BCL2L15: variants seen among roughly 807,000 people sequenced by gnomAD.
BCL2L15 encodes BCL2 like 15, also known as bcl-2-like protein 15.
Under a neutral mutation model 18.3 loss-of-function variants are expected in BCL2L15, and 15 were observed. The observed-to-expected ratio is 0.82, with a 90% CI of 0.55 to 1.26. BCL2L15 has a LOEUF of 1.26. Ranked by LOEUF, BCL2L15 falls within the 50% of genes most tolerant of loss-of-function variation. The pLI, the probability that BCL2L15 is intolerant of heterozygous loss-of-function variation, is 0.00. For synonymous variants in BCL2L15, 58 were observed against 68.5 expected, an observed-to-expected ratio of 0.85 and a Z score of 0.76; for missense variants, 180 against 201.7, an observed-to-expected ratio of 0.89 and a Z score of 0.65.
chr1:113,886,422 G>A, intron 2 of BCL2L15, 115 bp downstream of exon 2: 1 of 1,158,860 alleles, frequency 8.6e-7, no homozygotes, highest in Non-Finnish European at 1.2e-6. Context: ...TGAAATATAA[G>A]CACCCAAATA....
At position 113,881,913 on chromosome 1, in the gene BCL2L15, A is replaced by G. The variant is rs1448755008; in HGVS notation, c.334T>C (p.Phe112Leu). ...AGAAGTTTCACTGACACTGCCAGAA[A>G]AGCTCTCTCATAAGCTAAGCTGGAA... Reference protein sequence around the residue: ...QDSSLAYERAFLAVSVKLLEY... With the variant: ...QDSSLAYERALLAVSVKLLEY... The change falls in exon 3 of 4, where the codon TTT becomes CTT. Residue 112 changes from phenylalanine to leucine, a missense_variant. Coordinates refer to ENST00000393316, the MANE Select transcript of BCL2L15 (RefSeq NM_001010922.3). 1 of 1,614,178 alleles carries G rather than the reference A, an allele frequency of 6.2e-7. No homozygotes were observed. Among genetic ancestry groups the G allele is most frequent in the Non-Finnish European group, 8.5e-7 (1 of 1,180,018 alleles).
intron 2 of BCL2L15, among the ~76,000 whole-genome samples, chr1:113,885,272 T>C (rs1056721764): frequency 8.6e-5 from 13 of 151,760 alleles, no homozygotes; most frequent in Admixed American, 6.6e-4. Context: ...AAAAATATGT[T>C]TAATGAGAAA....
intron 2 of BCL2L15, among the ~76,000 whole-genome samples, chr1:113,883,013 CTCTT>C (rs986059561): frequency 9.9e-5 from 15 of 151,962 alleles, no homozygotes; most frequent in African/African-American, 2.2e-4. Context: ...CTTCCTTTTC[CTCTT>C]TCTTTTTCAA....
In BCL2L15 at chr1:113,877,338, T is replaced by A. The variant is rs11102690; in HGVS notation, c.*3785A>T. Among the ~76,000 whole-genome samples, 52,922 of 138,264 alleles carry A rather than the reference T, an allele frequency of 0.38. 11,111 individuals carry two copies. The highest frequency in any genetic ancestry group is 0.6 in the African/African-American group (23,694 of 39,602). 90.7% of individuals were successfully genotyped at this position (138,264 alleles called of 152,430 possible). A position where few individuals can be genotyped will look rare whatever the true frequency, so the allele number is the denominator to read the frequency against. On this transcript the variant is annotated 3_prime_UTR_variant, in exon 4 of 4. Coordinates refer to ENST00000393316, the MANE Select transcript of BCL2L15 (RefSeq NM_001010922.3). ...CAGCTGAAGGTTTTTTTTTTTTTTT[T>A]AAAAAAAACAACCTTATTAAGGTAG...
At chr1:113,886,906 GTT>G (rs142883498) in intron 1 of BCL2L15, among the ~76,000 whole-genome samples, 5 of 145,160 alleles carry the variant, frequency 3.4e-5, no homozygotes, top group Admixed American at 6.8e-5. Flanking sequence ...AAAATATACT[GTT>G]TTTTTTTTTT....
At position 113,886,544 on chromosome 1, in the gene BCL2L15, T is replaced by C; in HGVS notation, c.242A>G (p.Lys81Arg). 6.2e-7 allele frequency: 1 copy of C among 1,612,116 alleles called. No individual in the cohort carries two copies. Among genetic ancestry groups the C allele is most frequent in the Non-Finnish European group, 8.5e-7 (1 of 1,179,500 alleles). ...SAKNVIAETI[K>R]GQTGAILQDT... The stretch of plus-strand genomic sequence containing the variant: ...ATGAAGTAGAAACTTGACCTGTCCC[T>C]TAATGGTTTCTGCAATGACGTTTTT... Residue 81 changes from lysine (K) to arginine (R), a missense_variant, in exon 2 of 4, where the codon AAG (lysine) becomes AGG (arginine). Lys to Arg is a conservative substitution (Grantham distance 26). Transcript: ENST00000393316.
chr1:113,882,173 T>C (rs1271069529), intron 2 of BCL2L15, among the ~76,000 whole-genome samples, 176 bp from the exon 3 acceptor site: 1 of 152,236 alleles, frequency 6.6e-6, no homozygotes, highest in Non-Finnish European at 1.5e-5. Flanking sequence ...TATTTTGTTA[T>C]CTTAATGGGC....
In BCL2L15 at chr1:113,880,809, A is replaced by G; in HGVS notation, c.*314T>C. ...CCTGTTGCTTATAATTCCACTACTA[A>G]CAAGTCATTACTTTGTGTCTAGGGG... On this transcript the variant is annotated 3_prime_UTR_variant, in exon 4 of 4. Transcript: ENST00000393316. 1 of 379,380 alleles carries G rather than the reference A, an allele frequency of 2.6e-6. No individual in the cohort carries two copies. The highest frequency in any genetic ancestry group is 4.8e-6 in the Non-Finnish European group (1 of 207,892). 23.5% of individuals were successfully genotyped at this position (379,380 alleles called of 1,614,324 possible).
intron 2 of BCL2L15, 75 bp from the exon 3 acceptor site, chr1:113,882,072 T>C: frequency 1.7e-6 from 2 of 1,211,460 alleles, no homozygotes; most frequent in South Asian, 2.8e-5. Context: ...AGGAATCCAG[T>C]AAAGCAATTG....
At chr1:113,886,824 T>C (rs1336631941) in intron 1 of BCL2L15, among the ~76,000 whole-genome samples, 166 bp from the exon 2 acceptor site, 1 of 152,204 alleles carries the variant, frequency 6.6e-6, no homozygotes, top group Non-Finnish European at 1.5e-5. Context: ...TTTCCCTTCA[T>C]TGAGAACCTC....
rs757827844 is a variant in BCL2L15 at position 113,887,367 on chromosome 1, G to A, written c.9C>T (p.Ser3=). MK[S]SQTFEEQTEC... is the part of the protein sequence containing the mutation. ...CCGTTTGTTCCTCAAAAGTTTGGGA[G>A]CTCTTCATTTTAGATGTTTGCTGTC... The change falls in exon 1 of 4, where the codon AGC becomes AGT. Residue 3 remains serine, a synonymous_variant. Coordinates refer to ENST00000393316, the MANE Select transcript of BCL2L15 (RefSeq NM_001010922.3). The A allele has an allele frequency of 1.2e-6, 2 of 1,614,046 alleles. No individual in the cohort carries two copies. Among genetic ancestry groups the A allele is most frequent in the Non-Finnish European group, 1.7e-6 (2 of 1,179,924 alleles).
In BCL2L15 at chr1:113,887,520, T is replaced by C. The variant is rs111381432; in HGVS notation, c.-145A>G. 2.0e-4 allele frequency: 226 copies of C among 1,121,234 alleles called. No individual in the cohort carries two copies. The African/African-American group carries it at 3.0e-3, about 15-fold the overall frequency. 69.5% of individuals were successfully genotyped at this position (1,121,234 alleles called of 1,614,324 possible). ...TAATCCTGGAACTTTTCCCACTAGC[T>C]TTCTTCAAACACAGCTGCTCAGAAA... is the stretch of plus-strand genomic sequence containing the variant. On this transcript the variant is annotated 5_prime_UTR_variant, in exon 1 of 4. Transcript: ENST00000393316.
In BCL2L15 at chr1:113,877,847, T is replaced by C. The variant is rs1388993078; in HGVS notation, c.*3276A>G. Among the ~76,000 whole-genome samples the C allele has an allele frequency of 6.6e-6, 1 of 152,152 alleles. No homozygotes were observed. Among genetic ancestry groups the C allele is most frequent in the Non-Finnish European group, 1.5e-5 (1 of 68,018 alleles). ...AATGAGAAAAACTAGTTGGGTGAGT[T>C]GGACTGGAGAGAGAGAGACAAGGTA... On this transcript the variant is annotated 3_prime_UTR_variant, in exon 4 of 4. Transcript: ENST00000393316.
rs1667064571 is a variant in BCL2L15, at chr1:113,887,245, T to G, written c.127+4A>C. The G allele has an allele frequency of 6.2e-7, 1 of 1,613,424 alleles. No individual in the cohort carries two copies. The highest frequency in any genetic ancestry group is 1.7e-5 in the Admixed American group (1 of 59,978). ...GCAATCACCGCCTAGGGCAGGAACC[T>G]TACCTGAATCTACTTCATCTACACA... is the stretch of plus-strand genomic sequence containing the variant. On this transcript the variant is annotated splice_donor_region_variant and intron_variant, in intron 1 of 3. Transcript: ENST00000393316.
At chr1:113,884,611 A>G (rs922662310) in intron 2 of BCL2L15, among the ~76,000 whole-genome samples, 5 of 152,228 alleles carry the variant, frequency 3.3e-5, no homozygotes, top group African/African-American at 1.2e-4. Flanking sequence ...TGAGGGAAGT[A>G]TAAAAGTATT....
rs1470542529 is a variant in BCL2L15, at chr1:113,879,756, C to T, written c.*1367G>A. ...TGGACTTAACCAGCCATATGGTCTT[C>T]TATAATCATTCAACTCTGCCATTGT... On this transcript the variant is annotated 3_prime_UTR_variant, in exon 4 of 4. Coordinates refer to ENST00000393316, the MANE Select transcript of BCL2L15 (RefSeq NM_001010922.3). 2 of 152,182 alleles carry T rather than the reference C, an allele frequency of 1.3e-5. No individual in the cohort carries two copies. The highest frequency in any genetic ancestry group is 4.8e-5 in the African/African-American group (2 of 41,454). The allele number at this position is 152,182 out of a possible 1,614,324, so 9.4% of individuals were successfully genotyped here. A position where few individuals can be genotyped will look rare whatever the true frequency, so the allele number is the denominator to read the frequency against.
At chr1:113,886,505 C>G in intron 2 of BCL2L15, 32 bp downstream of exon 2, 1 of 1,585,078 alleles carries the variant, frequency 6.3e-7, no homozygotes, top group Admixed American at 2.0e-5. Flanking sequence ...GAAAAAAAAG[C>G]AGCAAACAAT....
rs149908888 is a variant in BCL2L15, at chr1:113,877,322, G to GTT, written c.*3799_*3800dup. On this transcript the variant is annotated 3_prime_UTR_variant, in exon 4 of 4. Coordinates refer to ENST00000393316, the MANE Select transcript of BCL2L15 (RefSeq NM_001010922.3). ...GATGAACAGTAGGGAGCAGCTGAAG[G>GTT]TTTTTTTTTTTTTTTTAAAAAAAAC... 2.8e-5 allele frequency among the ~76,000 whole-genome samples: 4 copies of GTT among 142,926 alleles called. No individual in the cohort carries two copies. The highest frequency in any genetic ancestry group is 1.4e-4 in the Admixed American group (2 of 14,404). The allele number at this position is 142,926 out of a possible 152,430, so 93.8% of individuals were successfully genotyped here. A position where few individuals can be genotyped will look rare whatever the true frequency, so the allele number is the denominator to read the frequency against.
At position 113,879,424 on chromosome 1, in the gene BCL2L15, T is replaced by A. The variant is rs1246287647; in HGVS notation, c.*1699A>T. 6.6e-6 allele frequency: 1 copy of A among 152,374 alleles called. No individual in the cohort carries two copies. Among genetic ancestry groups the A allele is most frequent in the Non-Finnish European group, 1.5e-5 (1 of 68,044 alleles). The allele number at this position is 152,374 out of a possible 1,614,324, so 9.4% of individuals were successfully genotyped here. On this transcript the variant is annotated 3_prime_UTR_variant, in exon 4 of 4. Transcript: ENST00000393316. The stretch of plus-strand genomic sequence containing the variant: ...AGGACTATTTTGAGATACAAGATCA[T>A]ACAAATCATAAGCTTTGCTTCCAAT...
Sources: allele counts gnomAD v4.1 joint callset (sites outside exome capture counted in the v4.1 genomes callset), GRCh38; gene constraint gnomAD v4.1.1; transcripts MANE v1.5; gene names NCBI Gene and HGNC (gene_info 2026-07-23, HGNC 2026-07-21).